The following CEP63 variants were observed in gnomAD, a reference collection of about 807,000 sequenced individuals.
CEP63 encodes centrosomal protein of 63 kDa.
In CEP63, 84 loss-of-function variants were observed where a neutral mutation model predicts 89.1. That is an observed-to-expected ratio of 0.94 (90% CI 0.79 to 1.13). The LOEUF (loss-of-function observed/expected upper bound fraction) is 1.13, where lower values mean the gene tolerates loss of function less well. Ranked by LOEUF, CEP63 falls within the 50% of genes most tolerant of loss-of-function variation. CEP63 has a pLI of 0.00. For missense variants in CEP63, 838 were observed against 813.3 expected (o/e 1.03, Z -0.37); for synonymous variants, 267 against 272.5 (o/e 0.98, Z 0.20).
chr3:134,771,260 A>G, the CEP63 span, among the ~76,000 whole-genome samples: 1 of 152,238 alleles, frequency 6.6e-6, no homozygotes, highest in Non-Finnish European at 1.5e-5. Flanking sequence ...AGCAAAAACC[A>G]TGGAATACTA....
chr3:134,760,358 C>T, the CEP63 span, among the ~76,000 whole-genome samples: 1 of 152,130 alleles, frequency 6.6e-6, no homozygotes, highest in Non-Finnish European at 1.5e-5. Context: ...CGCGCCCGGC[C>T]AGCACTTTCT....
the CEP63 span, among the ~76,000 whole-genome samples, chr3:134,732,392 C>A: frequency 6.6e-6 from 1 of 151,874 alleles, no homozygotes; most frequent in Admixed American, 6.6e-5. Flanking sequence ...TTCCAAAATG[C>A]TGTAATCAGA....
At chr3:134,669,725 G>T in the CEP63 span, among the ~76,000 whole-genome samples, 1 of 152,130 alleles carries the variant, frequency 6.6e-6, no homozygotes, top group Non-Finnish European at 1.5e-5. Flanking sequence ...CTGGTTAATT[G>T]AATCAAGATT....
the CEP63 span, among the ~76,000 whole-genome samples, chr3:134,774,018 T>C: frequency 3.9e-5 from 6 of 152,220 alleles, no homozygotes; most frequent in Non-Finnish European, 7.3e-5. Context: ...AGTAGATATA[T>C]GCTGAATACA....
the CEP63 span, among the ~76,000 whole-genome samples, chr3:134,681,039 C>T: frequency 1.3e-5 from 2 of 152,190 alleles, no homozygotes; most frequent in African/African-American, 2.4e-5. Context: ...ACACCCCAGG[C>T]AGGCCTCGGA....
chr3:134,557,376 G>GTTTTTTGTTTTT (rs1956393276), intron 12 of CEP63, among the ~76,000 whole-genome samples: 1 of 101,500 alleles, frequency 9.9e-6, no homozygotes, highest in African/African-American at 4.9e-5. Context: ...TTCATAATTT[G>GTTTTTTGTTTTT]TTTTTTTTTT....
At chr3:134,680,874 G>T in the CEP63 span, among the ~76,000 whole-genome samples, 1 of 152,372 alleles carries the variant, frequency 6.6e-6, no homozygotes, top group South Asian at 2.1e-4. Flanking sequence ...ATTCAAGTCT[G>T]TTTAGAACTT....
At chr3:134,738,283 CA>C in the CEP63 span, among the ~76,000 whole-genome samples, 54 of 127,536 alleles carry the variant, frequency 4.2e-4, no homozygotes, top group African/African-American at 1.2e-3. Flanking sequence ...CACACACACA[CA>C]CACACCACAA....
chr3:134,652,301 A>T, the CEP63 span, among the ~76,000 whole-genome samples: 2 of 152,204 alleles, frequency 1.3e-5, no homozygotes, highest in Admixed American at 6.5e-5. Context: ...GGAAAGGGAA[A>T]GATGGAGTGA....
chr3:134,569,132 CGTG>C (rs1957914151), downstream of CEP63, among the ~76,000 whole-genome samples: 1 of 152,206 alleles, frequency 6.6e-6, no homozygotes, highest in Non-Finnish European at 1.5e-5. Flanking sequence ...TCCCACAACA[CGTG>C]GGAATTCAGG....
the CEP63 span, among the ~76,000 whole-genome samples, chr3:134,709,281 C>T: frequency 6.6e-6 from 1 of 152,052 alleles, no homozygotes; most frequent in Non-Finnish European, 1.5e-5. Flanking sequence ...TTCAGGATTC[C>T]AGAGTATTGG....
At chr3:134,700,038 C>A in the CEP63 span, among the ~76,000 whole-genome samples, 1 of 152,378 alleles carries the variant, frequency 6.6e-6, no homozygotes, top group Non-Finnish European at 1.5e-5. Context: ...TTGCATGATG[C>A]CAAGAGTGAG....
At chr3:134,740,384 G>A in the CEP63 span, among the ~76,000 whole-genome samples, 13 of 151,788 alleles carry the variant, frequency 8.6e-5, no homozygotes, top group African/African-American at 2.7e-4. Flanking sequence ...TGCAAGCTCC[G>A]CTTCCCGGGT....
intron 3 of CEP63, 39 bp from the exon 4 acceptor site, chr3:134,531,806 T>G (rs755144844): frequency 1.5e-6 from 2 of 1,358,844 alleles, no homozygotes; most frequent in Non-Finnish European, 2.1e-6. Flanking sequence ...GTTATTTCAA[T>G]GCTAATAGTG....
the CEP63 span, among the ~76,000 whole-genome samples, chr3:134,751,118 A>G: frequency 6.6e-6 from 1 of 152,258 alleles, no homozygotes; most frequent in Non-Finnish European, 1.5e-5. Context: ...TACAATATGG[A>G]CATTTCATAT....
At chr3:134,553,375 G>C (rs1955351023) in intron 12 of CEP63, 1 of 151,922 alleles carries the variant, frequency 6.6e-6, no homozygotes, top group Admixed American at 6.6e-5. Flanking sequence ...GATGGTAAAA[G>C]GCCCTATTAA....
the CEP63 span, among the ~76,000 whole-genome samples, chr3:134,729,631 A>G: frequency 6.6e-6 from 1 of 152,222 alleles, no homozygotes; most frequent in African/African-American, 2.4e-5. Flanking sequence ...ATGGTTTCTT[A>G]TAGAATAAGG....
the CEP63 span, among the ~76,000 whole-genome samples, chr3:134,723,866 C>T: frequency 2.0e-5 from 3 of 152,262 alleles, no homozygotes; most frequent in Non-Finnish European, 2.9e-5. Flanking sequence ...CTCCACAAGA[C>T]GCAGATTTTA....
At chr3:134,565,913 T>A (rs1957737796), downstream of CEP63, among the ~76,000 whole-genome samples, 1 of 151,792 alleles carries the variant, frequency 6.6e-6, no homozygotes, top group Admixed American at 6.6e-5. Flanking sequence ...TCTGCACAGC[T>A]CCCCCCACAG....
Sources: allele counts gnomAD v4.1 joint callset (sites outside exome capture counted in the v4.1 genomes callset), GRCh38; gene constraint gnomAD v4.1.1; transcripts MANE v1.5; gene names NCBI Gene and HGNC (gene_info 2026-07-23, HGNC 2026-07-21).